MAP2K5: variants seen among roughly 807,000 people sequenced by gnomAD.
MAP2K5 encodes dual specificity mitogen-activated protein kinase kinase 5.
In MAP2K5, 49 loss-of-function variants were observed where a neutral mutation model predicts 83.1. The ratio of observed to expected loss-of-function variants is 0.59; its 90% CI spans 0.47 to 0.75. The LOEUF is 0.75. MAP2K5 is among the 30% of genes least tolerant of loss of function. The probability of loss-of-function intolerance (pLI) is 0.00; values close to 1 mark genes in which losing one functional copy is unlikely to be tolerated. For synonymous variants in MAP2K5, 202 were observed against 191.8 expected, an observed-to-expected ratio of 1.05 and a Z score of -0.44; for missense variants, 457 against 557.5, an observed-to-expected ratio of 0.82 and a Z score of 1.82.
Position 67,747,856 on chromosome 15 carries a change from T to C in MAP2K5, c.1075-375T>C, listed in dbSNP as rs1319595768. On this transcript the variant is annotated intron_variant, in intron 17 of 21. Coordinates refer to ENST00000178640, the MANE Select transcript of MAP2K5 (RefSeq NM_145160.3). This position sits in a 1 kb window ranked among gnomAD's most constrained non-coding sequence, Gnocchi z 4.1. ...TTTCAATTTTAAATAAATCGGTTTT[T>C]AATTTAAAAAGAGTGAGCTTCGTAA... 6.6e-6 allele frequency among the ~76,000 whole-genome samples: 1 copy of C among 152,236 alleles called. No individual in the cohort carries two copies. Among genetic ancestry groups the C allele is most frequent in the Non-Finnish European group, 1.5e-5 (1 of 68,034 alleles).
intron 21 of MAP2K5, among the ~76,000 whole-genome samples, chr15:67,788,708 G>A (rs1247692069): frequency 6.6e-6 from 1 of 152,096 alleles, no homozygotes; most frequent in Non-Finnish European, 1.5e-5. Context: ...CAGACATGGT[G>A]GATCATGCTT....
chr15:67,585,719 G>A, intron 4 of MAP2K5, 171 bp from the exon 5 acceptor site: 2 of 586,108 alleles, frequency 3.4e-6, no homozygotes, highest in Non-Finnish European at 6.2e-6. Flanking sequence ...GCTCACTCCT[G>A]CAAGTTAAAA....
chr15:67,584,015 C>T (rs758411454), intron 4 of MAP2K5, among the ~76,000 whole-genome samples: 12 of 152,086 alleles, frequency 7.9e-5, no homozygotes, highest in Non-Finnish European at 1.8e-4. Context: ...TCTCCAAGTG[C>T]TGGGATGAAA....
In MAP2K5 at chr15:67,724,294, G is replaced by A. The variant is rs2089038922; in HGVS notation, c.1045-3622G>A. Among the ~76,000 whole-genome samples, 1 of 152,214 alleles carries A rather than the reference G, an allele frequency of 6.6e-6. No homozygotes were observed. The highest frequency in any genetic ancestry group is 2.4e-5 in the African/African-American group (1 of 41,448). On this transcript the variant is annotated intron_variant, in intron 16 of 21. Coordinates refer to ENST00000178640, the MANE Select transcript of MAP2K5 (RefSeq NM_145160.3). This position sits in a 1 kb window ranked among gnomAD's most constrained non-coding sequence, Gnocchi z 4.4. Reference sequence around the variant, plus strand: ...AATGGCCCCAGGTCTGCCTGTGTGTGAAATATTCACTTGGAGCATATGTGC... The same window carrying A: ...AATGGCCCCAGGTCTGCCTGTGTGTAAAATATTCACTTGGAGCATATGTGC...
At chr15:67,609,476 A>G (rs2085861172) in intron 8 of MAP2K5, among the ~76,000 whole-genome samples, 1 of 148,462 alleles carries the variant, frequency 6.7e-6, no homozygotes, top group Non-Finnish European at 1.5e-5. Flanking sequence ...TAGATTCTGT[A>G]GACCTATTCT....
rs771533512 is a variant in MAP2K5, at chr15:67,636,817, T to C, written c.585+5890T>C. Among the ~76,000 whole-genome samples the C allele has an allele frequency of 3.9e-5, 6 of 152,206 alleles. No homozygotes were observed. The highest frequency in any genetic ancestry group is 8.8e-5 in the Non-Finnish European group (6 of 68,036). ...GGGTGTGTCTGTGAAGGTGTTAATA[T>C]TCAGAGAGATTAACATTTGAGTTAA... On this transcript the variant is annotated intron_variant, in intron 9 of 21. Coordinates refer to ENST00000178640, the MANE Select transcript of MAP2K5 (RefSeq NM_145160.3). This position sits in a 1 kb window ranked among gnomAD's most constrained non-coding sequence, Gnocchi z 4.7.
intron 11 of MAP2K5, among the ~76,000 whole-genome samples, chr15:67,655,365 CTG>C (rs2087045329): frequency 6.6e-6 from 1 of 152,098 alleles, no homozygotes; most frequent in African/African-American, 2.4e-5. Context: ...GTCTGAAAGA[CTG>C]TATTTTATTT....
chr15:67,685,081 T>C lies in MAP2K5; in HGVS notation c.848-7398T>C, dbSNP rs139820111. ...AAAACTTTCCAAATTTGGTGAAGCC[T>C]GTAAGTCCACAGATCTAAGAACTCA... On this transcript the variant is annotated intron_variant, in intron 13 of 21. Coordinates refer to ENST00000178640, the MANE Select transcript of MAP2K5 (RefSeq NM_145160.3). 2.0e-5 allele frequency among the ~76,000 whole-genome samples: 3 copies of C among 152,308 alleles called. No individual in the cohort carries two copies. In the East Asian group the frequency reaches 5.8e-4, roughly 29 times the overall value.
In MAP2K5 at chr15:67,543,303, C is replaced by T. The variant is rs889050818; in HGVS notation, c.-33C>T. On this transcript the variant is annotated 5_prime_UTR_variant, in exon 1 of 22. Transcript: ENST00000178640. This position sits in a 1 kb window ranked among gnomAD's most constrained non-coding sequence, Gnocchi z 4.3. ...CCTAACCAGCGGCCAGTGGGTTTCC[C>T]ATACCCCAGGATGTGAGCCTCTTTA... 1.9e-6 allele frequency: 3 copies of T among 1,613,610 alleles called. No homozygotes were observed. Among genetic ancestry groups the T allele is most frequent in the African/African-American group, 1.3e-5 (1 of 74,940 alleles).
rs1054368997 is a variant in MAP2K5 at position 67,677,509 on chromosome 15, C to T, written c.847+12864C>T. ...ACCAGGATTAGTCTTCGGGACACACCGCTCCAAGTCAAGTCTGCTGTCTTA... is the reference window on the plus strand; with the variant it reads ...ACCAGGATTAGTCTTCGGGACACACTGCTCCAAGTCAAGTCTGCTGTCTTA... On this transcript the variant is annotated intron_variant, in intron 13 of 21. Coordinates refer to ENST00000178640, the MANE Select transcript of MAP2K5 (RefSeq NM_145160.3). The surrounding 1 kb of genome is among the most constrained non-coding windows in gnomAD (Gnocchi z 4.2). Among the ~76,000 whole-genome samples the T allele has an allele frequency of 5.3e-5, 8 of 152,226 alleles. No homozygotes were observed. Among genetic ancestry groups the T allele is most frequent in the East Asian group, 1.9e-4 (1 of 5,196 alleles).
chr15:67,728,539 T>C (rs1471221190), intron 17 of MAP2K5, among the ~76,000 whole-genome samples: 1 of 152,194 alleles, frequency 6.6e-6, no homozygotes, highest in Non-Finnish European at 1.5e-5. Flanking sequence ...AGCACTAAAA[T>C]AGAAAGCTAT....
rs1458767849 is a variant in MAP2K5 at position 67,658,587 on chromosome 15, A to G, written c.771A>G (p.Glu257=). 1 of 1,612,336 alleles carries G rather than the reference A, an allele frequency of 6.2e-7. No homozygotes were observed. The highest frequency in any genetic ancestry group is 8.5e-7 in the Non-Finnish European group (1 of 1,178,782). The stretch of plus-strand genomic sequence containing the variant: ...TGGATGTATATAGGAAAATGCCAGA[A>G]CATGTCCTTGGAAGAATTGCAGTAG... ...GSLDVYRKMP[E]HVLGRIAVAV... The change falls in exon 12 of 22, where the codon GAA becomes GAG. Residue 257 remains glutamate (E), a synonymous_variant. Transcript: ENST00000178640.
chr15:67,627,915 A>AC (rs1422675245), intron 8 of MAP2K5: 7 of 772,724 alleles, frequency 9.1e-6, no homozygotes, highest in Non-Finnish European at 1.3e-5. Flanking sequence ...GGAGGGCTGA[A>AC]CTTTGAAACA....
chr15:67,593,961 G>A (rs1341372112), intron 7 of MAP2K5, among the ~76,000 whole-genome samples: 1 of 152,168 alleles, frequency 6.6e-6, no homozygotes, highest in Non-Finnish European at 1.5e-5. Context: ...AATATCACCT[G>A]TAACATTGTG....
At position 67,724,177 on chromosome 15, in the gene MAP2K5, T is replaced by C. The variant is rs1428785308; in HGVS notation, c.1045-3739T>C. 6.6e-6 allele frequency among the ~76,000 whole-genome samples: 1 copy of C among 152,170 alleles called. No homozygotes were observed. The highest frequency in any genetic ancestry group is 2.4e-5 in the African/African-American group (1 of 41,432). ...CCATTTCAGAGAAGATTACATACTC[T>C]CTTTTGTAAGTTTCCTAATTTATAA... is the stretch of plus-strand genomic sequence containing the variant. On this transcript the variant is annotated intron_variant, in intron 16 of 21. Transcript: ENST00000178640. The surrounding 1 kb of genome is among the most constrained non-coding windows in gnomAD (Gnocchi z 4.4).
At chr15:67,788,217 A>G (rs1037125917) in intron 21 of MAP2K5, among the ~76,000 whole-genome samples, 17 of 152,332 alleles carry the variant, frequency 1.1e-4, no homozygotes, top group Non-Finnish European at 2.5e-4. Flanking sequence ...TACTTAAACA[A>G]TGTATAGCTC....
rs1429898093 is a variant in MAP2K5, at chr15:67,636,033, G to C, written c.585+5106G>C. ...TGTCCAGGCTTGTCTTGAATTCATGGGCTCAAGCAATCCACCCGCCTCCAC... is the reference window on the plus strand; with the variant it reads ...TGTCCAGGCTTGTCTTGAATTCATGCGCTCAAGCAATCCACCCGCCTCCAC... On this transcript the variant is annotated intron_variant, in intron 9 of 21. Transcript: ENST00000178640. This position sits in a 1 kb window ranked among gnomAD's most constrained non-coding sequence, Gnocchi z 4.7. 1.3e-5 allele frequency among the ~76,000 whole-genome samples: 2 copies of C among 151,982 alleles called. No homozygotes were observed. Among genetic ancestry groups the C allele is most frequent in the Non-Finnish European group, 2.9e-5 (2 of 67,998 alleles).
chr15:67,673,044 A>G (rs1214591204), intron 13 of MAP2K5, among the ~76,000 whole-genome samples: 3 of 152,180 alleles, frequency 2.0e-5, no homozygotes, highest in East Asian at 3.8e-4. Context: ...TACCAGTACC[A>G]TGCTGTTTTG....
chr15:67,592,741 T>G (rs534485582), intron 6 of MAP2K5, among the ~76,000 whole-genome samples, 185 bp from the exon 7 acceptor site: 2 of 152,292 alleles, frequency 1.3e-5, no homozygotes, highest in South Asian at 2.1e-4. Context: ...AGGGTTTTAG[T>G]CTCTTTATTT....
Sources: gnomAD v4.1 joint callset for allele counts (sites outside exome capture counted in the v4.1 genomes callset) on GRCh38, gnomAD v4.1.1 for gene constraint, Gnocchi (gnomAD v3.1) non-coding constraint, MANE v1.5 for transcripts, NCBI Gene and HGNC (gene_info 2026-07-23, HGNC 2026-07-21) for gene names.